Variants in PELI2 observed in about 807,000 individuals in gnomAD.
PELI2 encodes the protein E3 ubiquitin-protein ligase pellino homolog 2.
Under a neutral mutation model 42.3 loss-of-function variants are expected in PELI2, and 23 were observed. The ratio of observed to expected loss-of-function variants is 0.54; its 90% confidence interval spans 0.39 to 0.77. The LOEUF is 0.77. Among genes scored for constraint, PELI2 ranks in the 30% least tolerant of loss-of-function variants. The pLI is 0.00. For missense variants in PELI2, 463 were observed against 553.2 expected, an observed-to-expected ratio of 0.84 and a Z score of 1.64; for synonymous variants, 245 against 212.2, an observed-to-expected ratio of 1.15 and a Z score of -1.34.
intron 1 of PELI2, among the ~76,000 whole-genome samples, chr14:56,122,451 C>G (rs1883096149): frequency 6.6e-6 from 1 of 152,190 alleles, no homozygotes; most frequent in Admixed American, 6.5e-5. Context: ...GCAGCGCTGT[C>G]AGTTCCTCAA....
chr14:56,147,235 G>A (rs1884159889), intron 1 of PELI2, among the ~76,000 whole-genome samples: 1 of 152,082 alleles, frequency 6.6e-6, no homozygotes, highest in African/African-American at 2.4e-5. Context: ...TTCAAGTTTT[G>A]GCTATTATGA....
At chr14:56,127,728 C>A (rs1365888896) in intron 1 of PELI2, among the ~76,000 whole-genome samples, 2 of 152,196 alleles carry the variant, frequency 1.3e-5, no homozygotes. Context: ...TGAAAACATT[C>A]CTCTAGTAGC....
chr14:56,293,800 T>A (rs1889912493), intron 5 of PELI2, among the ~76,000 whole-genome samples: 1 of 152,126 alleles, frequency 6.6e-6, no homozygotes, highest in Non-Finnish European at 1.5e-5. Context: ...TAAAAAACCA[T>A]ACACCCCAGA....
At chr14:56,253,171 T>G (rs2139818801) in intron 2 of PELI2, among the ~76,000 whole-genome samples, 1 of 152,338 alleles carries the variant, frequency 6.6e-6, no homozygotes, top group African/African-American at 2.4e-5. Flanking sequence ...CTAAAAACTC[T>G]CAATAAACTA....
chr14:56,144,879 G>T (rs1017730777), intron 1 of PELI2: 1 of 634,870 alleles, frequency 1.6e-6, no homozygotes, highest in Non-Finnish European at 2.0e-6. Context: ...GGAATAAAAG[G>T]AATAAGGATT....
chr14:56,296,791 C>T lies in PELI2; in HGVS notation c.888C>T (p.Ile296=), dbSNP rs758570576. ...TCAACACCCTGGCCTTCCCCAGCAT[C>T]AACAGGAAAGAGGTGGTGGAGGAGA... is the stretch of plus-strand genomic sequence containing the variant. ...VGLNTLAFPS[I]NRKEVVEEKQ... The change falls in exon 6 of 6, where the codon ATC becomes ATT. Residue 296 remains isoleucine, a synonymous_variant. Coordinates refer to ENST00000267460, the MANE Select transcript of PELI2 (RefSeq NM_021255.3). 6.2e-7 allele frequency: 1 copy of T among 1,614,102 alleles called. No homozygotes were observed. The highest frequency in any genetic ancestry group is 1.7e-5 in the Admixed American group (1 of 60,028).
At chr14:56,186,499 G>A (rs553698598) in intron 2 of PELI2, among the ~76,000 whole-genome samples, 7 of 152,228 alleles carry the variant, frequency 4.6e-5, no homozygotes, top group African/African-American at 1.7e-4. Context: ...GTGGTAATTT[G>A]TTATAACCAC....
rs1477904833 is a variant in PELI2 at position 56,288,864 on chromosome 14, C to CT, written c.507+237dup. Among the ~76,000 whole-genome samples the CT allele has an allele frequency of 1.3e-5, 2 of 152,078 alleles. No homozygotes were observed. The highest frequency in any genetic ancestry group is 2.4e-5 in the African/African-American group (1 of 41,408). On this transcript the variant is annotated intron_variant, in intron 4 of 5. Transcript: ENST00000267460. This position sits in a 1 kb window ranked among gnomAD's most constrained non-coding sequence, Gnocchi z 4.6. ...TATATTGTAATATTTACAGTAAGTA[C>CT]TTTTTTTAAAGTATGCCTATAACAT...
At chr14:56,223,255 T>TAA (rs1470958172) in intron 2 of PELI2, among the ~76,000 whole-genome samples, 21 of 152,338 alleles carry the variant, frequency 1.4e-4, no homozygotes, top group Admixed American at 1.3e-3. Context: ...TCTTAATTTC[T>TAA]AACTTCAGAG....
chr14:56,220,599 C>T (rs1887090828), intron 2 of PELI2, among the ~76,000 whole-genome samples: 1 of 152,100 alleles, frequency 6.6e-6, no homozygotes, highest in Non-Finnish European at 1.5e-5. Context: ...AGTATGTTTG[C>T]ACTTTTGGTT....
rs982395666 is a variant in PELI2, at chr14:56,299,014, GATGATT to G, written c.*1850_*1855del. On this transcript the variant is annotated 3_prime_UTR_variant, in exon 6 of 6. Transcript: ENST00000267460. ...GCCTTTTGATTTAGCCAGAGTCTCTGATGATTAGCTTTCACTGATAGAGTATGTCTT... is the reference window on the plus strand; with the variant it reads ...GCCTTTTGATTTAGCCAGAGTCTCTGAGCTTTCACTGATAGAGTATGTCTT... 1.8e-4 allele frequency: 27 copies of G among 152,312 alleles called. No individual in the cohort carries two copies. Among genetic ancestry groups the G allele is most frequent in the African/African-American group, 6.3e-4 (26 of 41,560 alleles). The allele number at this position is 152,312 out of a possible 1,614,324, so 9.4% of individuals were successfully genotyped here.
chr14:56,216,147 AT>A (rs926437002), intron 2 of PELI2, among the ~76,000 whole-genome samples: 1 of 152,074 alleles, frequency 6.6e-6, no homozygotes, highest in Non-Finnish European at 1.5e-5. Context: ...TTGTTTATGT[AT>A]TTGCTTTTTG....
At chr14:56,245,168 A>G (rs117804602) in intron 2 of PELI2, among the ~76,000 whole-genome samples, 166 of 152,350 alleles carry the variant, frequency 1.1e-3, no homozygotes, top group Non-Finnish European at 1.9e-3. Flanking sequence ...ATTTTTCCAT[A>G]ATATCTGGGT....
chr14:56,119,876 ACATATGAGGAGT>A (rs1882999931), intron 1 of PELI2: 1 of 982,502 alleles, frequency 1.0e-6, no homozygotes, highest in Non-Finnish European at 1.2e-6. Context: ...GGCTTAGCAC[ACATATGAGGAGT>A]CATGGCTGTG....
At chr14:56,193,393 T>C (rs1398853971) in intron 2 of PELI2, among the ~76,000 whole-genome samples, 2 of 152,136 alleles carry the variant, frequency 1.3e-5, no homozygotes, top group African/African-American at 4.8e-5. Flanking sequence ...AAAACCCTGA[T>C]TGTGGCCATG....
chr14:56,225,873 G>A (rs1887335347), intron 2 of PELI2, among the ~76,000 whole-genome samples: 1 of 152,128 alleles, frequency 6.6e-6, no homozygotes, highest in African/African-American at 2.4e-5. Flanking sequence ...CCCCATTCTG[G>A]TGTTTGGGGA....
chr14:56,149,749 A>G (rs1884267448), intron 1 of PELI2, among the ~76,000 whole-genome samples: 1 of 152,184 alleles, frequency 6.6e-6, no homozygotes, highest in African/African-American at 2.4e-5. Flanking sequence ...ATATCTTAAA[A>G]TCTCTAAAAT....
chr14:56,246,530 G>T (rs917657663), intron 2 of PELI2, among the ~76,000 whole-genome samples: 8 of 152,134 alleles, frequency 5.3e-5, no homozygotes, highest in African/African-American at 1.9e-4. Context: ...GCATTTGAGT[G>T]CTCTTCAGGA....
chr14:56,257,637 C>T (rs1334381644), intron 2 of PELI2, among the ~76,000 whole-genome samples: 3 of 152,164 alleles, frequency 2.0e-5, no homozygotes, highest in Non-Finnish European at 2.9e-5. Context: ...ACAGAATTCA[C>T]TGCCTCTCCC....
Sources: allele counts gnomAD v4.1 joint callset (sites outside exome capture counted in the v4.1 genomes callset), GRCh38; gene constraint gnomAD v4.1.1; non-coding constraint Gnocchi (gnomAD v3.1); transcripts MANE v1.5; gene names NCBI Gene and HGNC (gene_info 2026-07-23, HGNC 2026-07-21).